Variants in STIP1 observed in about 807,000 individuals in gnomAD.
STIP1 encodes stress induced phosphoprotein 1, also known as stress-induced-phosphoprotein 1.
STIP1 carries 16 observed loss-of-function variants against 77.4 expected under a neutral mutation model. The observed-to-expected ratio is 0.21, with a 90% CI of 0.14 to 0.31. The LOEUF (loss-of-function observed/expected upper bound fraction) is 0.31, where lower values mean the gene tolerates loss of function less well. Ranked by LOEUF, STIP1 falls within the 10% of genes least tolerant of loss-of-function variation. STIP1 has a pLI of 1.00. For synonymous variants in STIP1, 258 were observed against 246.6 expected, an observed-to-expected ratio of 1.05 and a Z score of -0.44; for missense variants, 524 against 684.8, an observed-to-expected ratio of 0.77 and a Z score of 2.62.
intron 1 of STIP1, among the ~76,000 whole-genome samples, chr11:64,188,175 C>T (rs1165842442): frequency 6.6e-6 from 1 of 151,888 alleles, no homozygotes; most frequent in East Asian, 1.9e-4. Context: ...GGTGAAACCC[C>T]CTCTCTACTA....
At chr11:64,199,804 C>A in intron 8 of STIP1, 136 bp from the exon 9 acceptor site, 2 of 824,130 alleles carry the variant, frequency 2.4e-6, no homozygotes, top group Non-Finnish European at 3.7e-6. Flanking sequence ...ACCTCGTGAT[C>A]CACCCGCCTC....
chr11:64,203,056 A>G (rs1274132622), intron 11 of STIP1, 69 bp from the exon 12 acceptor site: 77 of 1,596,246 alleles, frequency 4.8e-5, no homozygotes, highest in Middle Eastern at 1.7e-4. Flanking sequence ...GTTGGTGTGC[A>G]GGTGAAGAGG....
upstream of STIP1, chr11:64,185,776 C>T: frequency 6.5e-7 from 1 of 1,531,122 alleles, no homozygotes. Flanking sequence ...AAAGAGTTGG[C>T]AACCCTCCGC....
intron 4 of STIP1, 42 bp downstream of exon 4, chr11:64,194,662 T>C (rs540440359): frequency 6.2e-7 from 1 of 1,602,330 alleles, no homozygotes; most frequent in Admixed American, 1.7e-5. Flanking sequence ...AATCGGGGAA[T>C]GTTATGCTTT....
chr11:64,203,415 T>C (rs576626982), intron 12 of STIP1, 35 bp from the exon 13 acceptor site: 24 of 1,613,070 alleles, frequency 1.5e-5, no homozygotes, highest in Middle Eastern at 3.3e-4. Flanking sequence ...TGGGTGGTCC[T>C]AACACGCTTC....
At chr11:64,202,950 C>T in intron 11 of STIP1, 38 bp downstream of exon 11, 6 of 1,614,088 alleles carry the variant, frequency 3.7e-6, no homozygotes, top group Middle Eastern at 1.7e-4. Flanking sequence ...TGTCTCTAGC[C>T]AAAAGATTAG....
At chr11:64,195,604 A>C in intron 4 of STIP1, 41 bp from the exon 5 acceptor site, 4 of 1,503,294 alleles carry the variant, frequency 2.7e-6, no homozygotes, top group Non-Finnish European at 1.8e-6. Context: ...TGTGGGGAGG[A>C]GTAATTACAA....
At chr11:64,185,616 G>C, upstream of STIP1, 1 of 625,816 alleles carries the variant, frequency 1.6e-6, no homozygotes. Context: ...TGGAACTCGC[G>C]GCACTCGGGA....
At chr11:64,188,309 A>ACT (rs943461069) in intron 1 of STIP1, among the ~76,000 whole-genome samples, 2 of 150,160 alleles carry the variant, frequency 1.3e-5, no homozygotes, top group Non-Finnish European at 3.0e-5. Flanking sequence ...ACGCCACTGC[A>ACT]CTCTAGCCTG....
intron 2 of STIP1, 88 bp from the exon 3 acceptor site, chr11:64,194,101 A>C: frequency 6.5e-7 from 1 of 1,532,402 alleles, no homozygotes; most frequent in Admixed American, 2.1e-5. Context: ...TTTTTCCCCC[A>C]TAAAAGTAGA....
chr11:64,189,219 G>C (rs1181090350), intron 1 of STIP1, among the ~76,000 whole-genome samples: 1 of 152,188 alleles, frequency 6.6e-6, no homozygotes, highest in Non-Finnish European at 1.5e-5. Flanking sequence ...AAATTAGCTG[G>C]ATGTGGTGGC....
intron 10 of STIP1, among the ~76,000 whole-genome samples, chr11:64,200,731 C>A (rs1383950782): frequency 6.6e-6 from 1 of 151,910 alleles, no homozygotes; most frequent in African/African-American, 2.4e-5. Context: ...TAACCTTCCT[C>A]TTTTTTCTTT....
chr11:64,185,966 C>G, upstream of STIP1: 3 of 1,538,800 alleles, frequency 1.9e-6, no homozygotes, highest in Non-Finnish European at 2.6e-6. Flanking sequence ...TTCGTGGAGC[C>G]TGAGATGGGT....
Position 64,195,869 on chromosome 11 carries a change from A to G in STIP1, c.672+56A>G, listed in dbSNP as rs773423602. 6.9e-5 allele frequency: 111 copies of G among 1,606,940 alleles called. No individual in the cohort carries two copies. The African/African-American group carries it at 1.4e-3, about 20-fold the overall frequency. ...TATCTATAAACAACTAGAAATCTTTATGTTGAATGGGGACATCTGTTGACC... is the reference window on the plus strand; with the variant it reads ...TATCTATAAACAACTAGAAATCTTTGTGTTGAATGGGGACATCTGTTGACC... On this transcript the variant is annotated intron_variant, in intron 5 of 13. Transcript: ENST00000305218.
Position 64,186,279 on chromosome 11 carries a change from G to A in STIP1, c.9+9G>A, listed in dbSNP as rs1437131167. The A allele has an allele frequency of 1.2e-5, 19 of 1,547,460 alleles. No homozygotes were observed. Among genetic ancestry groups the A allele is most frequent in the Non-Finnish European group, 1.6e-5 (18 of 1,145,990 alleles). On this transcript the variant is annotated intron_variant, in intron 1 of 13. Coordinates refer to ENST00000305218, the MANE Select transcript of STIP1 (RefSeq NM_006819.3). ...GCTGCGCTATGGAGCAGGTGAAGGG[G>A]GAGGGGCGGGCTGAGGCCCCGAGCC...
At chr11:64,185,493 A>G (rs992252354), upstream of STIP1, 5 of 347,840 alleles carry the variant, frequency 1.4e-5, no homozygotes, top group African/African-American at 8.6e-5. Context: ...AGCGCTGGAC[A>G]ACGCGGGTAG....
rs11231720 is a variant in STIP1, at chr11:64,188,638, C to T, written c.9+2368C>T. Among the ~76,000 whole-genome samples, 17 of 152,306 alleles carry T rather than the reference C, an allele frequency of 1.1e-4. 2 individuals are homozygous for T. In the South Asian group the frequency reaches 3.3e-3, roughly 30 times the overall value. On this transcript the variant is annotated intron_variant, in intron 1 of 13. Coordinates refer to ENST00000305218, the MANE Select transcript of STIP1 (RefSeq NM_006819.3). ...GCAATCCTCTAGCCTTGGCCTCCCA[C>T]TTCATTAGCACTAGGATTACAGGCG...
At position 64,204,513 on chromosome 11, in the gene STIP1, C is replaced by T. The variant is rs1025109466; in HGVS notation, c.*387C>T. 2 of 232,262 alleles carry T rather than the reference C, an allele frequency of 8.6e-6. No homozygotes were observed. Among genetic ancestry groups the T allele is most frequent in the Non-Finnish European group, 1.7e-5 (2 of 119,694 alleles). 14.4% of individuals were successfully genotyped at this position (232,262 alleles called of 1,614,324 possible). A position where few individuals can be genotyped will look rare whatever the true frequency, so the allele number is the denominator to read the frequency against. On this transcript the variant is annotated 3_prime_UTR_variant, in exon 14 of 14. Transcript: ENST00000305218. ...GTTGTTTATTCTGCGTCCCCTTCTC[C>T]AATAAAACAAGCCAGTTGGGCGTGG...
At chr11:64,202,764 C>G (rs1251135490) in intron 10 of STIP1, 112 bp from the exon 11 acceptor site, 21 of 1,200,540 alleles carry the variant, frequency 1.7e-5, no homozygotes, top group Non-Finnish European at 2.6e-5. Context: ...ATGTTGTCCC[C>G]TCTGTTTGGT....
Sources: allele counts gnomAD v4.1 joint callset (sites outside exome capture counted in the v4.1 genomes callset), GRCh38; gene constraint gnomAD v4.1.1; transcripts MANE v1.5; gene names NCBI Gene and HGNC (gene_info 2026-07-23, HGNC 2026-07-21).